SPEG: variants seen among roughly 807,000 people sequenced by gnomAD.
The protein encoded by SPEG is striated muscle preferentially expressed protein kinase.
In SPEG, 114 loss-of-function variants were observed where a neutral mutation model predicts 300.4. The observed-to-expected ratio is 0.38, with a 90% CI of 0.33 to 0.44. The LOEUF (loss-of-function observed/expected upper bound fraction) is 0.44, where lower values mean the gene tolerates loss of function less well. SPEG is among the 20% of genes least tolerant of loss of function. The pLI, the probability that SPEG is intolerant of heterozygous loss-of-function variation, is 1.00. For synonymous variants in SPEG, 1,964 were observed against 2,018.9 expected (o/e 0.97, Z 0.73); for missense variants, 4,201 against 4,586.2 (o/e 0.92, Z 2.43).
In SPEG at chr2:219,465,920, TGTGC is replaced by T. The variant is rs775208571; in HGVS notation, c.2882-1252_2882-1249del. The T allele has an allele frequency of 3.1e-5, 22 of 714,198 alleles. 1 individual carries two copies. The highest frequency in any genetic ancestry group is 5.5e-5 in the East Asian group (2 of 36,194). The allele number at this position is 714,198 out of a possible 1,614,324, so 44.2% of individuals were successfully genotyped here. A position where few individuals can be genotyped will look rare whatever the true frequency, so the allele number is the denominator to read the frequency against. ...GTATGGGTGTGTGCATGCGTGTGTGTGTGCGCGCGTGTGCGTGCACGTGTGCGTG... is the reference window on the plus strand; with the variant it reads ...GTATGGGTGTGTGCATGCGTGTGTGTGCGCGTGTGCGTGCACGTGTGCGTG... On this transcript the variant is annotated intron_variant, in intron 9 of 40. Transcript: ENST00000312358.
Position 219,488,275 on chromosome 2 carries a change from C to A in SPEG, c.7823C>A (p.Ala2608Glu). Residue 2608 changes from alanine to glutamate, a missense_variant, in exon 32 of 41, where the codon GCG (alanine) becomes GAG (glutamate). Coordinates refer to ENST00000312358, the MANE Select transcript of SPEG (RefSeq NM_005876.5). ...GEAATLLCLP[A>E]ACPAPHISWM... ...GCAGCCACCCTGCTCTGCCTGCCAG[C>A]GGCCTGCCCTGCACCGCACATCTCC... The A allele has an allele frequency of 6.2e-7, 1 of 1,613,042 alleles. No homozygotes were observed. Among genetic ancestry groups the A allele is most frequent in the Non-Finnish European group, 8.5e-7 (1 of 1,179,572 alleles).
rs1468872943 is a variant in SPEG at position 219,473,598 on chromosome 2, C to A, written c.4242C>A (p.Asn1414Lys). 4 of 1,614,088 alleles carry A rather than the reference C, an allele frequency of 2.5e-6. No individual in the cohort carries two copies. The highest frequency in any genetic ancestry group is 1.3e-5 in the African/African-American group (1 of 74,946). Residue 1414 changes from asparagine (N) to lysine (K), a missense_variant, in exon 17 of 41, where the codon AAC (asparagine) becomes AAA (lysine). Physicochemically the swap from Asn to Lys is moderately conservative, Grantham distance 94. Coordinates refer to ENST00000312358, the MANE Select transcript of SPEG (RefSeq NM_005876.5). The surrounding 1 kb of genome is among the most constrained non-coding windows in gnomAD (Gnocchi z 4.6). Reference sequence around the variant, plus strand: ...CTGCCAGCGTCACCGTCACATTCAACCATGTGGAGGCCCAGGTCGTCTGGA... The same window carrying A: ...CTGCCAGCGTCACCGTCACATTCAAACATGTGGAGGCCCAGGTCGTCTGGA... ...GQPASVTVTF[N>K]HVEAQVVWRS...
In SPEG at chr2:219,484,254, G is replaced by A; in HGVS notation, c.6791G>A (p.Gly2264Asp). 4.3e-6 allele frequency: 7 copies of A among 1,609,894 alleles called. No individual in the cohort carries two copies. The highest frequency in any genetic ancestry group is 5.9e-6 in the Non-Finnish European group (7 of 1,179,590). ...LSGHAQGPSQ[G>D]PAAPPSEPKP... ...GGCCACGCCCAGGGCCCCTCGCAGG[G>A]CCCTGCCGCGCCGCCTTCAGAGCCC... Residue 2264 changes from glycine (G) to aspartate (D), a missense_variant, in exon 30 of 41, where the codon GGC (glycine) becomes GAC (aspartate). This residue lies in a region of SPEG where 1,578 missense variants were observed against 1,506.0 expected (regional missense o/e 1.05). Coordinates refer to ENST00000312358, the MANE Select transcript of SPEG (RefSeq NM_005876.5).
At position 219,458,701 on chromosome 2, in the gene SPEG, C is replaced by T. The variant is rs985172319; in HGVS notation, c.2441-3181C>T. ...CAGTGAAGGGGGCTTAGTGATACCA[C>T]CTCTTAGGGCTGTCCTCCTCCCATA... On this transcript the variant is annotated intron_variant, in intron 6 of 40. Coordinates refer to ENST00000312358, the MANE Select transcript of SPEG (RefSeq NM_005876.5). This position sits in a 1 kb window ranked among gnomAD's most constrained non-coding sequence, Gnocchi z 4.2. Among the ~76,000 whole-genome samples, 2 of 152,188 alleles carry T rather than the reference C, an allele frequency of 1.3e-5. No homozygotes were observed. The highest frequency in any genetic ancestry group is 2.4e-5 in the African/African-American group (1 of 41,442).
chr2:219,479,806 G>C lies in SPEG; in HGVS notation c.5109G>C (p.Val1703=). The C allele has an allele frequency of 6.2e-7, 1 of 1,614,068 alleles. No individual in the cohort carries two copies. The highest frequency in any genetic ancestry group is 8.5e-7 in the Non-Finnish European group (1 of 1,180,006). The stretch of plus-strand genomic sequence containing the variant: ...AGATCCGGGCCTATATGCGGCAGGT[G>C]CTAGAGGGAATACACTACCTGCACC... ...ESEIRAYMRQ[V]LEGIHYLHQS... is the part of the protein sequence containing the mutation. The change falls in exon 24 of 41, where the codon GTG becomes GTC. Residue 1703 remains valine (V), a synonymous_variant. Coordinates refer to ENST00000312358, the MANE Select transcript of SPEG (RefSeq NM_005876.5). This position sits in a 1 kb window ranked among gnomAD's most constrained non-coding sequence, Gnocchi z 5.5.
Position 219,481,621 on chromosome 2 carries a change from TC to T in SPEG, c.5523-15del. On this transcript the variant is annotated splice_polypyrimidine_tract_variant and intron_variant, in intron 27 of 40. Coordinates refer to ENST00000312358, the MANE Select transcript of SPEG (RefSeq NM_005876.5). The surrounding 1 kb of genome is among the most constrained non-coding windows in gnomAD (Gnocchi z 5.4). ...GACTGAACGATAAATCCCTTCTTAATCCTCATTCATTCACAGGAGACCTACC... is the reference window on the plus strand; with the variant it reads ...GACTGAACGATAAATCCCTTCTTAATCTCATTCATTCACAGGAGACCTACC... The T allele has an allele frequency of 6.2e-7, 1 of 1,613,890 alleles. No individual in the cohort carries two copies. The highest frequency in any genetic ancestry group is 8.5e-7 in the Non-Finnish European group (1 of 1,179,852).
intron 40 of SPEG, 71 bp from the exon 41 acceptor site, chr2:219,492,523 G>T: frequency 6.6e-7 from 1 of 1,517,806 alleles, no homozygotes. Context: ...ACATGGGTCT[G>T]CGGGAGGACA....
At position 219,444,791 on chromosome 2, in the gene SPEG, G is replaced by A. The variant is rs762693780; in HGVS notation, c.479-34G>A. ...AGCAGGCAGGCGGGTTTTCCATAAGGGGTGCCTCAGTCTCACGGTGCTCCT... is the reference window on the plus strand; with the variant it reads ...AGCAGGCAGGCGGGTTTTCCATAAGAGGTGCCTCAGTCTCACGGTGCTCCT... On this transcript the variant is annotated intron_variant, in intron 2 of 40. Coordinates refer to ENST00000312358, the MANE Select transcript of SPEG (RefSeq NM_005876.5). This position sits in a 1 kb window ranked among gnomAD's most constrained non-coding sequence, Gnocchi z 7.8. 53 of 1,610,996 alleles carry A rather than the reference G, an allele frequency of 3.3e-5. No individual in the cohort carries two copies. The highest frequency in any genetic ancestry group is 4.2e-5 in the Non-Finnish European group (49 of 1,178,024).
rs1372673639 is a variant in SPEG, at chr2:219,490,920, C to A, written c.9349C>A (p.Pro3117Thr). The A allele has an allele frequency of 3.1e-6, 5 of 1,613,418 alleles. No individual in the cohort carries two copies. In the Middle Eastern group the frequency reaches 4.9e-4, roughly 159 times the overall value. ...AQPYNPQALR[P>T]LGHRTGTLEF... ...GCCCTACAACCCCCAGGCCCTTAGG[C>A]CCCTTGGCCACCGCACGGGCACGCT... Residue 3117 changes from proline to threonine, a missense_variant, in exon 38 of 41, where the codon CCC becomes ACC. Transcript: ENST00000312358.
Position 219,443,606 on chromosome 2 carries a change from G to T in SPEG, c.389-1047G>T, listed in dbSNP as rs576373969. On this transcript the variant is annotated intron_variant, in intron 1 of 40. Coordinates refer to ENST00000312358, the MANE Select transcript of SPEG (RefSeq NM_005876.5). The surrounding 1 kb of genome is among the most constrained non-coding windows in gnomAD (Gnocchi z 4.6). ...AGAAGGGAGGGACCTTGAGGAAGGT[G>T]CCTGTCACATCATGATGCAGACAGA... 1.0e-5 allele frequency: 3 copies of T among 287,300 alleles called. No homozygotes were observed. In the East Asian group the frequency reaches 2.7e-4, roughly 26 times the overall value. 17.8% of individuals were successfully genotyped at this position (287,300 alleles called of 1,614,324 possible). A position where few individuals can be genotyped will look rare whatever the true frequency, so the allele number is the denominator to read the frequency against.
chr2:219,472,190 C>G (rs764567713), intron 14 of SPEG, 37 bp from the exon 15 acceptor site: 2 of 1,602,992 alleles, frequency 1.2e-6, no homozygotes, highest in East Asian at 4.5e-5. Context: ...GCTGTTGGGC[C>G]CTTGGACCCA....
At position 219,493,015 on chromosome 2, in the gene SPEG, G is replaced by T. The variant is rs1229176638; in HGVS notation, c.*229G>T. 2 of 701,220 alleles carry T rather than the reference G, an allele frequency of 2.9e-6. No homozygotes were observed. The highest frequency in any genetic ancestry group is 5.2e-6 in the Non-Finnish European group (2 of 385,008). 43.4% of individuals were successfully genotyped at this position (701,220 alleles called of 1,614,324 possible). On this transcript the variant is annotated 3_prime_UTR_variant, in exon 41 of 41. Coordinates refer to ENST00000312358, the MANE Select transcript of SPEG (RefSeq NM_005876.5). ...GTGGGAGACCCATTGGTCAGGCTCA[G>T]CAGGGTGGGAACAGGCAGAGGGACA...
Position 219,483,844 on chromosome 2 carries a change from G to A in SPEG, c.6381G>A (p.Lys2127=), listed in dbSNP as rs745969631. 2.4e-5 allele frequency: 38 copies of A among 1,590,008 alleles called. No individual in the cohort carries two copies. The African/African-American group carries it at 4.0e-4, about 17-fold the overall frequency. ...QPPLENRGLQ[K]SSSFSQGEAE... is the part of the protein sequence containing the mutation. ...CACTCGAGAACCGGGGCCTGCAAAA[G>A]AGCAGCAGCTTCTCCCAGGGTGAGG... The change falls in exon 30 of 41, where the codon AAG becomes AAA. Residue 2127 remains lysine (K), a synonymous_variant. Coordinates refer to ENST00000312358, the MANE Select transcript of SPEG (RefSeq NM_005876.5).
chr2:219,451,653 G>C lies in SPEG; in HGVS notation c.2286G>C (p.Leu762=), dbSNP rs910285259. The C allele has an allele frequency of 6.3e-7, 1 of 1,587,170 alleles. No individual in the cohort carries two copies. The highest frequency in any genetic ancestry group is 8.6e-7 in the Non-Finnish European group (1 of 1,169,564). Residue 762 remains leucine (L), a synonymous_variant, in exon 6 of 41, where the codon CTG becomes CTC. Transcript: ENST00000312358. This position sits in a 1 kb window ranked among gnomAD's most constrained non-coding sequence, Gnocchi z 6.4. ...CCTGGCACAAGGATGGGTCAGCGCT[G>C]CGCAGCGAGGGCCGCCTCCTCCTCC... ...QVSWHKDGSA[L]RSEGRLLLRA... is the part of the protein sequence containing the mutation.
chr2:219,460,350 C>T (rs1478556320), intron 6 of SPEG: 12 of 985,404 alleles, frequency 1.2e-5, no homozygotes, highest in Non-Finnish European at 1.4e-5. Context: ...ATTTGAGGCT[C>T]GTTAGCGCAT....
chr2:219,481,487 G>C lies in SPEG; in HGVS notation c.5522+31G>C. Reference sequence around the variant, plus strand: ...TACAAGGCCCTGGGAGCCCCCACCTGCAGGGTCACCCTCATACCACCTGCC... The same window carrying C: ...TACAAGGCCCTGGGAGCCCCCACCTCCAGGGTCACCCTCATACCACCTGCC... On this transcript the variant is annotated intron_variant, in intron 27 of 40. Coordinates refer to ENST00000312358, the MANE Select transcript of SPEG (RefSeq NM_005876.5). This position sits in a 1 kb window ranked among gnomAD's most constrained non-coding sequence, Gnocchi z 5.4. The C allele has an allele frequency of 1.2e-6, 2 of 1,612,312 alleles. No homozygotes were observed. Among genetic ancestry groups the C allele is most frequent in the Non-Finnish European group, 1.7e-6 (2 of 1,178,796 alleles).
Position 219,473,589 on chromosome 2 carries a change from C to A in SPEG, c.4233C>A (p.Val1411=), listed in dbSNP as rs754549869. Residue 1411 remains valine, a synonymous_variant, in exon 17 of 41, where the codon GTC becomes GTA. Coordinates refer to ENST00000312358, the MANE Select transcript of SPEG (RefSeq NM_005876.5). This position sits in a 1 kb window ranked among gnomAD's most constrained non-coding sequence, Gnocchi z 4.6. ...VVEGQPASVT[V]TFNHVEAQVV... ...AGGGACAGCCTGCCAGCGTCACCGTCACATTCAACCATGTGGAGGCCCAGG... is the reference window on the plus strand; with the variant it reads ...AGGGACAGCCTGCCAGCGTCACCGTAACATTCAACCATGTGGAGGCCCAGG... 6.2e-7 allele frequency: 1 copy of A among 1,614,114 alleles called. No homozygotes were observed. The highest frequency in any genetic ancestry group is 8.5e-7 in the Non-Finnish European group (1 of 1,180,052).
At chr2:219,485,937 A>C (rs1254496450) in intron 31 of SPEG, among the ~76,000 whole-genome samples, 1 of 151,880 alleles carries the variant, frequency 6.6e-6, no homozygotes, top group African/African-American at 2.4e-5. Context: ...CTTTTCAAGG[A>C]GCTCAAGATA....
At position 219,472,042 on chromosome 2, in the gene SPEG, CGT is replaced by C. The variant is rs1691923311; in HGVS notation, c.3835+57_3835+58del. Reference sequence around the variant, plus strand: ...ACGCACAGCCTGGCCTCTGGCACTACGTGGGGGCTCAGGGAAAGGGGCCTCCA... The same window carrying C: ...ACGCACAGCCTGGCCTCTGGCACTACGGGGGCTCAGGGAAAGGGGCCTCCA... On this transcript the variant is annotated intron_variant, in intron 14 of 40. Coordinates refer to ENST00000312358, the MANE Select transcript of SPEG (RefSeq NM_005876.5). The C allele has an allele frequency of 1.9e-6, 3 of 1,597,756 alleles. No individual in the cohort carries two copies. In the African/African-American group the frequency reaches 4.0e-5, roughly 21 times the overall value.
Sources: gnomAD v4.1 joint callset for allele counts (sites outside exome capture counted in the v4.1 genomes callset) on GRCh38, gnomAD v4.1.1 for gene constraint, gnomAD v4.1.1 regional missense constraint, Gnocchi (gnomAD v3.1) non-coding constraint, MANE v1.5 for transcripts, NCBI Gene and HGNC (gene_info 2026-07-23, HGNC 2026-07-21) for gene names.